Variants in LINGO1 observed in about 807,000 individuals in gnomAD.
LINGO1 encodes leucine rich repeat and Ig domain containing 1, also known as leucine-rich repeat and immunoglobulin-like domain-containing nogo receptor-interacting protein 1.
LINGO1 carries 11 observed loss-of-function variants against 37.3 expected under a neutral mutation model. The observed-to-expected ratio is 0.29, with a 90% CI of 0.19 to 0.49. The LOEUF (loss-of-function observed/expected upper bound fraction) is 0.49, where lower values mean the gene tolerates loss of function less well. LINGO1 is among the 20% of genes least tolerant of loss of function. The pLI is 0.99. For synonymous variants in LINGO1, 387 were observed against 403.0 expected (o/e 0.96, Z 0.48); for missense variants, 585 against 878.2 (o/e 0.67, Z 4.22).
At chr15:77,776,161 T>G (rs1460081434) in intron 1 of LINGO1, among the ~76,000 whole-genome samples, 3 of 151,000 alleles carry the variant, frequency 2.0e-5, no homozygotes, top group Non-Finnish European at 4.4e-5. Context: ...CTGCCTCCCT[T>G]TATGGGGACA....
chr15:77,668,978 C>T (rs961355220), intron 3 of LINGO1, among the ~76,000 whole-genome samples: 4 of 152,254 alleles, frequency 2.6e-5, no homozygotes, highest in African/African-American at 9.6e-5. Context: ...AGCAACTAGA[C>T]GCTGGGAAGC....
At chr15:77,665,867 G>A (rs1189622153) in intron 3 of LINGO1, among the ~76,000 whole-genome samples, 7 of 152,176 alleles carry the variant, frequency 4.6e-5, no homozygotes, top group Non-Finnish European at 7.3e-5. Context: ...TTTCCTCAGT[G>A]AATCCATTCA....
chr15:77,660,348 G>A (rs886551006), intron 3 of LINGO1, among the ~76,000 whole-genome samples: 2 of 152,182 alleles, frequency 1.3e-5, no homozygotes, highest in African/African-American at 4.8e-5. Context: ...GATGATACTC[G>A]GCGCCAAGGG....
chr15:77,703,915 G>A (rs1272942951), intron 2 of LINGO1, among the ~76,000 whole-genome samples: 1 of 152,104 alleles, frequency 6.6e-6, no homozygotes, highest in African/African-American at 2.4e-5. Context: ...AGATTCTATG[G>A]GGGACCCATA....
chr15:77,807,648 C>A (rs576831688), intron 1 of LINGO1, among the ~76,000 whole-genome samples: 2 of 152,094 alleles, frequency 1.3e-5, no homozygotes, highest in South Asian at 4.2e-4. Context: ...GAACTCAAAA[C>A]GAAAGGTTAG....
chr15:77,705,695 C>CTGAA (rs1355845606), intron 2 of LINGO1, among the ~76,000 whole-genome samples: 10 of 152,382 alleles, frequency 6.6e-5, no homozygotes, highest in Admixed American at 6.5e-4. Context: ...TCTTCTCAGG[C>CTGAA]TGAACAACGG....
intron 2 of LINGO1, among the ~76,000 whole-genome samples, chr15:77,706,966 G>A (rs1035849971): frequency 1.3e-5 from 2 of 152,244 alleles, no homozygotes; most frequent in East Asian, 3.8e-4. Flanking sequence ...GCCTCCGTGG[G>A]CAATGCCCAT....
chr15:77,698,766 G>A (rs572026743), upstream of LINGO1, among the ~76,000 whole-genome samples: 6 of 152,320 alleles, frequency 3.9e-5, no homozygotes, highest in African/African-American at 7.2e-5. Context: ...TAGGCCCAGC[G>A]GACTGTGGGC....
At chr15:77,745,125 T>TA (rs74707319) in intron 1 of LINGO1, among the ~76,000 whole-genome samples, 4,496 of 90,982 alleles carry the variant, frequency 0.049, 299 homozygotes, top group African/African-American at 0.15. Context: ...GACTCTGTCT[T>TA]AAAAAAAAAA....
chr15:77,621,197 G>A (rs954923415), intron 1 of LINGO1, among the ~76,000 whole-genome samples: 1 of 152,030 alleles, frequency 6.6e-6, no homozygotes, highest in Non-Finnish European at 1.5e-5. Context: ...TGCGATTATA[G>A]GTGTCCACCA....
chr15:77,778,867 C>T (rs1191032385), intron 1 of LINGO1, among the ~76,000 whole-genome samples: 4 of 152,172 alleles, frequency 2.6e-5, no homozygotes, highest in Non-Finnish European at 4.4e-5. Context: ...GCGGTGACTC[C>T]AGTCTCACTC....
intron 3 of LINGO1, among the ~76,000 whole-genome samples, chr15:77,650,674 G>T (rs2074740612): frequency 6.6e-6 from 1 of 152,204 alleles, no homozygotes; most frequent in African/African-American, 2.4e-5. Flanking sequence ...CTAGGCCAGG[G>T]TAGGACTGCG....
At chr15:77,752,516 C>G (rs1419322068) in intron 1 of LINGO1, among the ~76,000 whole-genome samples, 1 of 152,190 alleles carries the variant, frequency 6.6e-6, no homozygotes, top group Non-Finnish European at 1.5e-5. Flanking sequence ...TCTGTCCCAT[C>G]TTTTTGACAA....
At chr15:77,787,638 C>T (rs546423657), upstream of LINGO1, among the ~76,000 whole-genome samples, 1 of 152,166 alleles carries the variant, frequency 6.6e-6, no homozygotes, top group African/African-American at 2.4e-5. Context: ...AACCGCTGAG[C>T]GGAAAAGCGT....
chr15:77,743,580 T>C (rs1361460164), intron 1 of LINGO1, among the ~76,000 whole-genome samples: 2 of 152,208 alleles, frequency 1.3e-5, no homozygotes, highest in African/African-American at 4.8e-5. Flanking sequence ...GAGTAGGGAA[T>C]GATTTTGCAT....
At chr15:77,781,858 C>T (rs972394634) in intron 1 of LINGO1, among the ~76,000 whole-genome samples, 5 of 152,206 alleles carry the variant, frequency 3.3e-5, no homozygotes, top group Non-Finnish European at 4.4e-5. Context: ...TCAGGGCCCC[C>T]GGCCAGAGCT....
intron 1 of LINGO1, among the ~76,000 whole-genome samples, chr15:77,757,394 C>G (rs571361618): frequency 6.6e-6 from 1 of 152,300 alleles, no homozygotes; most frequent in South Asian, 2.1e-4. Flanking sequence ...GGGTGGTCCA[C>G]TCAGCCACAG....
chr15:77,615,690 T>A lies in LINGO1; in HGVS notation c.217A>T (p.Thr73Ser). Residue 73 changes from threonine (T) to serine (S), a missense_variant, in exon 2 of 2, where the codon ACG becomes TCG. By Grantham distance (58) the Thr-to-Ser change is moderately conservative (BLOSUM62 1). Coordinates refer to ENST00000355300, the MANE Select transcript of LINGO1 (RefSeq NM_032808.7). ...VAVPEGIPTE[T>S]RLLDLGKNRI... ...TTCTTGCCTAGGTCCAGCAGGCGCG[T>A]CTCGGTGGGGATGCCCTCGGGGACT... The A allele has an allele frequency of 6.2e-7, 1 of 1,604,708 alleles. No individual in the cohort carries two copies. The highest frequency in any genetic ancestry group is 8.5e-7 in the Non-Finnish European group (1 of 1,175,298).
chr15:77,626,099 G>C, intron 1 of LINGO1, among the ~76,000 whole-genome samples: 1 of 152,136 alleles, frequency 6.6e-6, no homozygotes, highest in East Asian at 1.9e-4. Flanking sequence ...CCCTCACACA[G>C]ATGAGGAAAC....
Sources: gnomAD v4.1 joint callset for allele counts (sites outside exome capture counted in the v4.1 genomes callset) on GRCh38, gnomAD v4.1.1 for gene constraint, MANE v1.5 for transcripts, NCBI Gene and HGNC (gene_info 2026-07-23, HGNC 2026-07-21) for gene names.